SERTAD4: variants seen among roughly 807,000 people sequenced by gnomAD.
SERTAD4 encodes SERTA domain containing 4, also known as SERTA domain-containing protein 4.
SERTAD4 carries 18 observed loss-of-function variants against 32.9 expected under a neutral mutation model. The ratio of observed to expected loss-of-function variants is 0.55; its 90% CI spans 0.38 to 0.81. SERTAD4 has a LOEUF of 0.81. Ranked by LOEUF, SERTAD4 falls within the 30% of genes least tolerant of loss-of-function variation. The probability of loss-of-function intolerance (pLI) is 0.00; values close to 1 mark genes in which losing one functional copy is unlikely to be tolerated. For missense variants in SERTAD4, 383 were observed against 426.0 expected, an observed-to-expected ratio of 0.90 and a Z score of 0.89; for synonymous variants, 150 against 156.4, an observed-to-expected ratio of 0.96 and a Z score of 0.30.
chr1:210,235,946 A>G (rs1372284892), intron 1 of SERTAD4, among the ~76,000 whole-genome samples: 1 of 152,256 alleles, frequency 6.6e-6, no homozygotes, highest in African/African-American at 2.4e-5. Context: ...GATTCTCTCA[A>G]TAAGAAAGGG....
rs145832003 is a variant in SERTAD4, at chr1:210,242,219, T to C, written c.953T>C (p.Phe318Ser). Reference sequence around the variant, plus strand: ...TGCAAAGGCCAATTTTATGATTATTTTGAGACCGGATATAATGAAAGAAAC... The same window carrying C: ...TGCAAAGGCCAATTTTATGATTATTCTGAGACCGGATATAATGAAAGAAAC... ...FECKGQFYDYFETGYNERNNV... is the reference protein window; with the variant it reads ...FECKGQFYDYSETGYNERNNV... Residue 318 changes from phenylalanine (F) to serine (S), a missense_variant, in exon 4 of 4, where the codon TTT becomes TCT. Around this residue, in one of 3 missense-constraint regions of SERTAD4, gnomAD observed 180 missense variants for 190.6 expected, o/e 0.94. Transcript: ENST00000367012. The surrounding 1 kb of genome is among the most constrained non-coding windows in gnomAD (Gnocchi z 4.0). 6 of 1,614,072 alleles carry C rather than the reference T, an allele frequency of 3.7e-6. No individual in the cohort carries two copies. In the African/African-American group the frequency reaches 6.7e-5, roughly 18 times the overall value.
rs530112965 is a variant in SERTAD4, at chr1:210,238,000, A to G, written c.40A>G (p.Ile14Val). ...GTCCATGAATAGATTCTGCGAGCCC[A>G]TTGTCTCGGAAGGAGCTGCTGAAAT... ...VLSMNRFCEP[I>V]VSEGAAEIAG... Residue 14 changes from isoleucine (I) to valine (V), a missense_variant, in exon 2 of 4, where the codon ATT (isoleucine) becomes GTT (valine). Around this residue, in one of 3 missense-constraint regions of SERTAD4, gnomAD observed 96 missense variants for 76.6 expected, o/e 1.25. Transcript: ENST00000367012. 4.3e-6 allele frequency: 7 copies of G among 1,612,148 alleles called. No homozygotes were observed. In the East Asian group the frequency reaches 1.3e-4, roughly 31 times the overall value.
At chr1:210,236,902 C>G (rs1374332898) in intron 1 of SERTAD4, among the ~76,000 whole-genome samples, 6 of 152,206 alleles carry the variant, frequency 3.9e-5, no homozygotes, top group African/African-American at 1.4e-4. Flanking sequence ...TGAACTTACT[C>G]TTGACCCTAC....
Position 210,242,417 on chromosome 1 carries a change from A to C in SERTAD4, c.*80A>C. ...AAATTTTATTTTGAATGGATTTTGT[A>C]GTTTTGTACAACAGATAAAATTATG... On this transcript the variant is annotated 3_prime_UTR_variant, in exon 4 of 4. Coordinates refer to ENST00000367012, the MANE Select transcript of SERTAD4 (RefSeq NM_019605.5). The surrounding 1 kb of genome is among the most constrained non-coding windows in gnomAD (Gnocchi z 4.0). 1 of 1,502,900 alleles carries C rather than the reference A, an allele frequency of 6.7e-7. No homozygotes were observed. Among genetic ancestry groups the C allele is most frequent in the East Asian group, 2.3e-5 (1 of 43,992 alleles). 93.1% of individuals were successfully genotyped at this position (1,502,900 alleles called of 1,614,324 possible).
At chr1:210,240,200 A>T (rs1368568044) in intron 3 of SERTAD4, among the ~76,000 whole-genome samples, 1 of 151,974 alleles carries the variant, frequency 6.6e-6, no homozygotes, top group Non-Finnish European at 1.5e-5. Flanking sequence ...AAAAAACAAG[A>T]TGGGGAAATT....
At position 210,242,610 on chromosome 1, in the gene SERTAD4, G is replaced by A. The variant is rs772714676; in HGVS notation, c.*273G>A. On this transcript the variant is annotated 3_prime_UTR_variant, in exon 4 of 4. Transcript: ENST00000367012. This position sits in a 1 kb window ranked among gnomAD's most constrained non-coding sequence, Gnocchi z 4.0. ...TTTCTTACGGAAAAGATCAGTAGAT[G>A]AGATTGGGGGACAATGTGCCCTTGC... 27 of 1,152,796 alleles carry A rather than the reference G, an allele frequency of 2.3e-5. No individual in the cohort carries two copies. Among genetic ancestry groups the A allele is most frequent in the Non-Finnish European group, 2.9e-5 (27 of 939,178 alleles). 71.4% of individuals were successfully genotyped at this position (1,152,796 alleles called of 1,614,324 possible).
chr1:210,233,233 G>A (rs1172216173), intron 1 of SERTAD4, among the ~76,000 whole-genome samples: 1 of 152,100 alleles, frequency 6.6e-6, no homozygotes, highest in Non-Finnish European at 1.5e-5. Context: ...CGGAGGCGGC[G>A]CGGGCTTTTC....
intron 1 of SERTAD4, among the ~76,000 whole-genome samples, chr1:210,234,869 A>G (rs2083925484): frequency 6.6e-6 from 1 of 152,104 alleles, no homozygotes; most frequent in Non-Finnish European, 1.5e-5. Flanking sequence ...AACAAGCCCA[A>G]CTCATCTGGA....
chr1:210,235,113 C>T (rs2083928370), intron 1 of SERTAD4, among the ~76,000 whole-genome samples: 1 of 152,038 alleles, frequency 6.6e-6, no homozygotes, highest in South Asian at 2.1e-4. Context: ...CCTGTTGAAT[C>T]CATCACCTCT....
At chr1:210,233,771 C>G (rs1353369226) in intron 1 of SERTAD4, 1 of 470,892 alleles carries the variant, frequency 2.1e-6, no homozygotes, top group East Asian at 7.0e-5. Flanking sequence ...AATAGGCGTC[C>G]TCGCCGCCAG....
At position 210,243,154 on chromosome 1, in the gene SERTAD4, TTGAA is replaced by T; in HGVS notation, c.*818_*821del. ...CAATATGGTTTGGAAACTGTTAACT[TTGAA>T]CTATTGTGTTCAGCTTTTGATTCGA... On this transcript the variant is annotated 3_prime_UTR_variant, in exon 4 of 4. Coordinates refer to ENST00000367012, the MANE Select transcript of SERTAD4 (RefSeq NM_019605.5). 8.2e-6 allele frequency: 8 copies of T among 976,706 alleles called. No individual in the cohort carries two copies. The highest frequency in any genetic ancestry group is 9.7e-6 in the Non-Finnish European group (8 of 822,302). The allele number at this position is 976,706 out of a possible 1,614,324, so 60.5% of individuals were successfully genotyped here. A position where few individuals can be genotyped will look rare whatever the true frequency, so the allele number is the denominator to read the frequency against.
In SERTAD4 at chr1:210,238,008, G is replaced by A. The variant is rs757776833; in HGVS notation, c.48G>A (p.Ser16=). ...SMNRFCEPIV[S]EGAAEIAGYQ... is the part of the protein sequence containing the mutation. ...ATAGATTCTGCGAGCCCATTGTCTC[G>A]GAAGGAGCTGCTGAAATTGCTGGGT... The change falls in exon 2 of 4, where the codon TCG becomes TCA. Residue 16 remains serine (S), a synonymous_variant. Transcript: ENST00000367012. 2.0e-5 allele frequency: 33 copies of A among 1,613,758 alleles called. No individual in the cohort carries two copies. Among genetic ancestry groups the A allele is most frequent in the Middle Eastern group, 1.6e-4 (1 of 6,062 alleles).
rs767147723 is a variant in SERTAD4, at chr1:210,241,540, T to C, written c.292-18T>C. 6.0e-6 allele frequency: 9 copies of C among 1,500,684 alleles called. No homozygotes were observed. The highest frequency in any genetic ancestry group is 8.0e-6 in the Non-Finnish European group (9 of 1,129,528). 93.0% of individuals were successfully genotyped at this position (1,500,684 alleles called of 1,614,324 possible). ...TTTTTCTGTTTGTTTTTTTCTTTTT[T>C]TTTTTTTTGGTTTGTAGACCATCTC... On this transcript the variant is annotated intron_variant, in intron 3 of 3. Transcript: ENST00000367012.
intron 3 of SERTAD4, among the ~76,000 whole-genome samples, chr1:210,240,475 T>C (rs2083983482): frequency 6.6e-6 from 1 of 152,230 alleles, no homozygotes; most frequent in Admixed American, 6.5e-5. Context: ...TACTGGGCTT[T>C]TCCCTGCATG....
At position 210,245,743 on chromosome 1, in the gene SERTAD4, C is replaced by T; in HGVS notation, c.*3406C>T. 1 of 959,164 alleles carries T rather than the reference C, an allele frequency of 1.0e-6. No homozygotes were observed. Among genetic ancestry groups the T allele is most frequent in the Non-Finnish European group, 1.2e-6 (1 of 806,016 alleles). The allele number at this position is 959,164 out of a possible 1,614,324, so 59.4% of individuals were successfully genotyped here. On this transcript the variant is annotated 3_prime_UTR_variant, in exon 4 of 4. Coordinates refer to ENST00000367012, the MANE Select transcript of SERTAD4 (RefSeq NM_019605.5). Reference sequence around the variant, plus strand: ...TCCATCAAGACATGGCTACCCACCCCTCCAGTTATGAACTTGTATTACAGC... The same window carrying T: ...TCCATCAAGACATGGCTACCCACCCTTCCAGTTATGAACTTGTATTACAGC...
intron 1 of SERTAD4, 112 bp downstream of exon 1, chr1:210,233,123 C>T (rs1234091264): frequency 6.6e-6 from 1 of 152,028 alleles, no homozygotes; most frequent in African/African-American, 2.4e-5. Flanking sequence ...CGGCCTCCCG[C>T]GCGCCCTCTT....
At chr1:210,241,392 C>T (rs2147849063) in intron 3 of SERTAD4, among the ~76,000 whole-genome samples, 166 bp from the exon 4 acceptor site, 2 of 152,252 alleles carry the variant, frequency 1.3e-5, no homozygotes, top group Middle Eastern at 6.8e-3. Context: ...GAATGGGGGA[C>T]AGCCTCTCTA....
At chr1:210,234,927 T>C (rs2083926112) in intron 1 of SERTAD4, among the ~76,000 whole-genome samples, 1 of 152,238 alleles carries the variant, frequency 6.6e-6, no homozygotes, top group African/African-American at 2.4e-5. Context: ...TACGAACATT[T>C]GCTGGAAAAG....
intron 1 of SERTAD4, chr1:210,233,831 G>A (rs1040080493): frequency 1.1e-5 from 5 of 469,332 alleles, no homozygotes; most frequent in Non-Finnish European, 2.2e-5. Context: ...CAGCGGGTTT[G>A]GCCGGCAAGG....
Sources: allele counts gnomAD v4.1 joint callset (sites outside exome capture counted in the v4.1 genomes callset), GRCh38; gene constraint gnomAD v4.1.1; regional missense constraint gnomAD v4.1.1; non-coding constraint Gnocchi (gnomAD v3.1); transcripts MANE v1.5; gene names NCBI Gene and HGNC (gene_info 2026-07-23, HGNC 2026-07-21).